The following LRRC38 variants were observed in gnomAD, a reference collection of about 807,000 sequenced individuals.
LRRC38 encodes the protein leucine-rich repeat-containing protein 38.
LRRC38 carries 5 observed loss-of-function variants against 16.4 expected under a neutral mutation model. The observed-to-expected ratio is 0.31, with a 90% CI of 0.16 to 0.64. LRRC38 has a LOEUF of 0.64. LRRC38 is among the 30% of genes least tolerant of loss of function. The probability of loss-of-function intolerance (pLI) is 0.80; values close to 1 mark genes in which losing one functional copy is unlikely to be tolerated. For missense variants in LRRC38, 341 were observed against 401.8 expected (o/e 0.85, Z 1.29); for synonymous variants, 191 against 190.2 (o/e 1.00, Z -0.04).
Position 13,475,431 on chromosome 1 carries a change from T to G in LRRC38, c.*415A>C, listed in dbSNP as rs1638774843. On this transcript the variant is annotated 3_prime_UTR_variant, in exon 2 of 2. Transcript: ENST00000376085. The surrounding 1 kb of genome is among the most constrained non-coding windows in gnomAD (Gnocchi z 4.3). Reference sequence around the variant, plus strand: ...TCTCCACTGTTTGAGCTGCTGTTTCTTGGGAGGAAGGCAGATGTTTCATGA... The same window carrying G: ...TCTCCACTGTTTGAGCTGCTGTTTCGTGGGAGGAAGGCAGATGTTTCATGA... 5.8e-6 allele frequency: 1 copy of G among 171,336 alleles called. No individual in the cohort carries two copies. The highest frequency in any genetic ancestry group is 1.3e-5 in the Non-Finnish European group (1 of 78,580). 10.6% of individuals were successfully genotyped at this position (171,336 alleles called of 1,614,324 possible). A position where few individuals can be genotyped will look rare whatever the true frequency, so the allele number is the denominator to read the frequency against.
At chr1:13,504,290 T>C (rs770022523) in intron 1 of LRRC38, among the ~76,000 whole-genome samples, 6 of 150,588 alleles carry the variant, frequency 4.0e-5, no homozygotes, top group Non-Finnish European at 8.8e-5. Flanking sequence ...GGACAGCTCA[T>C]TGGAAGCACA....
intron 1 of LRRC38, among the ~76,000 whole-genome samples, chr1:13,482,798 G>A (rs928572068): frequency 4.6e-5 from 7 of 152,254 alleles, no homozygotes. Flanking sequence ...TAAGAATAGT[G>A]AAGGAAAGCC....
intron 1 of LRRC38, among the ~76,000 whole-genome samples, chr1:13,481,435 A>G (rs1638854506): frequency 2.0e-5 from 3 of 148,872 alleles, no homozygotes; most frequent in African/African-American, 7.5e-5. Flanking sequence ...TCTGTCGCCC[A>G]GGCTGGAGTG....
intron 1 of LRRC38, among the ~76,000 whole-genome samples, chr1:13,498,552 A>G (rs1224706287): frequency 6.6e-6 from 1 of 152,146 alleles, no homozygotes; most frequent in East Asian, 1.9e-4. Context: ...AATCGCTTGA[A>G]CCTGGGAGGC....
At chr1:13,483,590 C>T (rs1638894482) in intron 1 of LRRC38, among the ~76,000 whole-genome samples, 1 of 152,086 alleles carries the variant, frequency 6.6e-6, no homozygotes, top group Non-Finnish European at 1.5e-5. Flanking sequence ...AGAAGGGCTC[C>T]CTGGATGCCC....
intron 1 of LRRC38, among the ~76,000 whole-genome samples, chr1:13,486,739 C>T (rs187587092): frequency 7.2e-5 from 11 of 152,154 alleles, no homozygotes; most frequent in Admixed American, 2.6e-4. Context: ...TACAGGCACA[C>T]ACCACCACGC....
At chr1:13,501,981 G>A (rs1639156265) in intron 1 of LRRC38, among the ~76,000 whole-genome samples, 1 of 151,706 alleles carries the variant, frequency 6.6e-6, no homozygotes, top group African/African-American at 2.4e-5. Flanking sequence ...AGGCTGGAAT[G>A]CAGTGGCATG....
intron 1 of LRRC38, among the ~76,000 whole-genome samples, chr1:13,483,066 A>C (rs1638889269): frequency 6.6e-6 from 1 of 151,980 alleles, no homozygotes; most frequent in African/African-American, 2.4e-5. Context: ...TCTCCCAGGC[A>C]CGAGACCTAG....
intron 1 of LRRC38, among the ~76,000 whole-genome samples, chr1:13,496,380 C>T (rs774908786): frequency 6.6e-6 from 1 of 151,912 alleles, no homozygotes; most frequent in Non-Finnish European, 1.5e-5. Context: ...ACTATGTTTC[C>T]CAGGCTGGTC....
chr1:13,478,192 C>G (rs184538296), intron 1 of LRRC38, among the ~76,000 whole-genome samples: 3 of 152,180 alleles, frequency 2.0e-5, no homozygotes, highest in African/African-American at 7.2e-5. Flanking sequence ...GCATAAAGAG[C>G]TCAGATCTTT....
intron 1 of LRRC38, among the ~76,000 whole-genome samples, chr1:13,496,507 C>T (rs1466510099): frequency 6.6e-6 from 1 of 152,048 alleles, no homozygotes; most frequent in Non-Finnish European, 1.5e-5. Flanking sequence ...CTGGTTAAGC[C>T]TCAAGTTGCT....
chr1:13,506,418 T>A (rs1334341988), intron 1 of LRRC38, among the ~76,000 whole-genome samples: 1 of 152,240 alleles, frequency 6.6e-6, no homozygotes, highest in East Asian at 1.9e-4. Flanking sequence ...TCACCACAAC[T>A]CCCAGCACAT....
intron 1 of LRRC38, among the ~76,000 whole-genome samples, chr1:13,511,625 G>C (rs1639274923): frequency 6.6e-6 from 1 of 152,088 alleles, no homozygotes; most frequent in African/African-American, 2.4e-5. Context: ...GCAGAAGCAA[G>C]CAGAACCGAG....
intron 1 of LRRC38, among the ~76,000 whole-genome samples, chr1:13,479,108 T>G (rs1638821590): frequency 6.6e-6 from 1 of 152,108 alleles, no homozygotes; most frequent in Non-Finnish European, 1.5e-5. Context: ...GCTTTATCTT[T>G]TAAAAAATAA....
chr1:13,499,909 G>C (rs890390159), intron 1 of LRRC38, among the ~76,000 whole-genome samples: 4 of 152,124 alleles, frequency 2.6e-5, no homozygotes, highest in African/African-American at 9.7e-5. Context: ...GTCAAGCTGG[G>C]AACTGTACAG....
chr1:13,481,587 G>T (rs184845258), intron 1 of LRRC38, among the ~76,000 whole-genome samples: 1 of 151,156 alleles, frequency 6.6e-6, no homozygotes, highest in African/African-American at 2.4e-5. Context: ...AGTAGAGACG[G>T]GGTTTCACCG....
At chr1:13,489,749 G>T (rs990224333) in intron 1 of LRRC38, among the ~76,000 whole-genome samples, 3 of 152,170 alleles carry the variant, frequency 2.0e-5, no homozygotes, top group African/African-American at 7.2e-5. Flanking sequence ...GCTGACCTGT[G>T]TTCTCCACCA....
At chr1:13,500,118 G>T (rs1247812650) in intron 1 of LRRC38, among the ~76,000 whole-genome samples, 2 of 152,010 alleles carry the variant, frequency 1.3e-5, no homozygotes, top group African/African-American at 4.8e-5. Flanking sequence ...GGGCTGGGTA[G>T]CATGTGCGCG....
At chr1:13,489,701 C>T (rs1638984923) in intron 1 of LRRC38, among the ~76,000 whole-genome samples, 2 of 152,192 alleles carry the variant, frequency 1.3e-5, no homozygotes, top group African/African-American at 4.8e-5. Flanking sequence ...CTCCTGGGGA[C>T]AGGGGTGCCA....
Sources: allele counts gnomAD v4.1 joint callset (sites outside exome capture counted in the v4.1 genomes callset), GRCh38; gene constraint gnomAD v4.1.1; non-coding constraint Gnocchi (gnomAD v3.1); transcripts MANE v1.5; gene names NCBI Gene and HGNC (gene_info 2026-07-23, HGNC 2026-07-21).